The following RAI1 variants were observed in gnomAD, a reference collection of about 807,000 sequenced individuals.
The protein encoded by RAI1 is retinoic acid induced 1, also known as retinoic acid-induced protein 1.
Under a neutral mutation model 123.8 loss-of-function variants are expected in RAI1, and 9 were observed. That is an observed-to-expected ratio of 0.07 (90% CI 0.04 to 0.13). The LOEUF (loss-of-function observed/expected upper bound fraction) is 0.13, where lower values mean the gene tolerates loss of function less well. Ranked by LOEUF, RAI1 falls within the 10% of genes least tolerant of loss-of-function variation. RAI1 has a pLI of 1.00. For synonymous variants in RAI1, 1,231 were observed against 1,127.3 expected (o/e 1.09, Z -1.84); for missense variants, 2,256 against 2,545.8 (o/e 0.89, Z 2.45).
intron 4 of RAI1, among the ~76,000 whole-genome samples, chr17:17,808,429 T>TTTATTTTA (rs1567940453): frequency 1.8e-5 from 2 of 114,156 alleles, no homozygotes; most frequent in African/African-American, 6.9e-5. Flanking sequence ...TTTATTTTAT[T>TTTATTTTA]TTATTTTATT....
chr17:17,806,830 A>C (rs1422440977), intron 4 of RAI1, among the ~76,000 whole-genome samples: 1 of 152,228 alleles, frequency 6.6e-6, no homozygotes, highest in African/African-American at 2.4e-5. Context: ...GCAGGTCCCA[A>C]GTCCAGCACA....
At chr17:17,730,339 T>G (rs867672710) in intron 2 of RAI1, among the ~76,000 whole-genome samples, 1 of 152,230 alleles carries the variant, frequency 6.6e-6, no homozygotes, top group African/African-American at 2.4e-5. Context: ...AACTCATGTT[T>G]GCATAATGCA....
rs1175169299 is a variant in RAI1 at position 17,685,899 on chromosome 17, TC to T, written c.-149+4108del. Among the ~76,000 whole-genome samples, 21 of 152,200 alleles carry T rather than the reference TC, an allele frequency of 1.4e-4. No individual in the cohort carries two copies. Among genetic ancestry groups the T allele is most frequent in the African/African-American group, 5.1e-4 (21 of 41,454 alleles). On this transcript the variant is annotated intron_variant, in intron 1 of 5. Coordinates refer to ENST00000353383, the MANE Select transcript of RAI1 (RefSeq NM_030665.4). This position sits in a 1 kb window ranked among gnomAD's most constrained non-coding sequence, Gnocchi z 4.0. ...GCCTCTGTGCATCGGGCTGGGCTGT[TC>T]CTTCCACCTGGGATGCCCCTCACCT... is the stretch of plus-strand genomic sequence containing the variant.
At chr17:17,738,852 A>C (rs763551178) in intron 2 of RAI1, among the ~76,000 whole-genome samples, 38 of 152,098 alleles carry the variant, frequency 2.5e-4, no homozygotes, top group Non-Finnish European at 4.1e-4. Flanking sequence ...ATTACCTTCA[A>C]AGGGCTCATG....
chr17:17,724,316 G>A (rs980937522), intron 2 of RAI1, among the ~76,000 whole-genome samples, 157 bp downstream of exon 2: 3 of 151,126 alleles, frequency 2.0e-5, no homozygotes, highest in African/African-American at 7.3e-5. Flanking sequence ...GCGGCGCCAG[G>A]ATCTTGGCTG....
chr17:17,692,588 C>A (rs771145096), intron 1 of RAI1, among the ~76,000 whole-genome samples: 1 of 152,214 alleles, frequency 6.6e-6, no homozygotes, highest in African/African-American at 2.4e-5. Flanking sequence ...CTGCTTACCC[C>A]CTTCCCCATG....
At chr17:17,707,276 C>G (rs1341704620) in intron 1 of RAI1, among the ~76,000 whole-genome samples, 1 of 152,074 alleles carries the variant, frequency 6.6e-6, no homozygotes, top group Non-Finnish European at 1.5e-5. Flanking sequence ...AAGACCTTGT[C>G]TCTGAAAATA....
chr17:17,778,520 C>T, intron 2 of RAI1: 3 of 354,220 alleles, frequency 8.5e-6, no homozygotes, highest in South Asian at 6.4e-5. Flanking sequence ...CCAGCATATA[C>T]ATATGCAGGA....
At chr17:17,736,036 G>A (rs1323892498) in intron 2 of RAI1, among the ~76,000 whole-genome samples, 3 of 152,142 alleles carry the variant, frequency 2.0e-5, no homozygotes, top group Non-Finnish European at 2.9e-5. Context: ...TATGGTGTGT[G>A]TACTTGTGCG....
chr17:17,690,550 G>T (rs957347620), intron 1 of RAI1, among the ~76,000 whole-genome samples: 1 of 152,140 alleles, frequency 6.6e-6, no homozygotes, highest in African/African-American at 2.4e-5. Context: ...TTCATCAAAG[G>T]CGAAAGTAAT....
chr17:17,783,601 A>C (rs1192705631), intron 2 of RAI1, among the ~76,000 whole-genome samples: 1 of 152,084 alleles, frequency 6.6e-6, no homozygotes, highest in Non-Finnish European at 1.5e-5. Flanking sequence ...CCTCTGCCCC[A>C]GCCGGGCTGC....
At chr17:17,783,079 G>A (rs2031663179) in intron 2 of RAI1, among the ~76,000 whole-genome samples, 1 of 145,184 alleles carries the variant, frequency 6.9e-6, no homozygotes, top group Non-Finnish European at 1.5e-5. Context: ...GCTGGTGGCA[G>A]CCCCCCGCGG....
At chr17:17,784,814 C>T (rs2031766739) in intron 2 of RAI1, among the ~76,000 whole-genome samples, 1 of 152,160 alleles carries the variant, frequency 6.6e-6, no homozygotes, top group Non-Finnish European at 1.5e-5. Context: ...ACACTAGCTG[C>T]AGCAGCCGGG....
chr17:17,724,379 T>C (rs1387633833), intron 2 of RAI1, among the ~76,000 whole-genome samples: 1 of 149,512 alleles, frequency 6.7e-6, no homozygotes, highest in East Asian at 2.0e-4. Context: ...AGGGAATCGG[T>C]CTCAGAAGAA....
intron 1 of RAI1, among the ~76,000 whole-genome samples, chr17:17,690,150 C>T (rs1457218373): frequency 2.0e-5 from 3 of 152,000 alleles, no homozygotes; most frequent in Admixed American, 1.3e-4. Flanking sequence ...TTTGGGAGGC[C>T]GAGGTGAGTG....
In RAI1 at chr17:17,797,955, G is replaced by C. The variant is rs765240763; in HGVS notation, c.5007G>C (p.Thr1669=). ...GGCCCTCCTTGCCCCTCTCCTCCAC[G>C]ATGCACTTGGGGCCTGTGGTTTCCA... is the stretch of plus-strand genomic sequence containing the variant. ...QPRPSLPLSS[T]MHLGPVVSKA... The change falls in exon 3 of 6, where the codon ACG becomes ACC. Residue 1669 remains threonine, a synonymous_variant. Coordinates refer to ENST00000353383, the MANE Select transcript of RAI1 (RefSeq NM_030665.4). 3 of 1,613,996 alleles carry C rather than the reference G, an allele frequency of 1.9e-6. No homozygotes were observed. The highest frequency in any genetic ancestry group is 2.5e-6 in the Non-Finnish European group (3 of 1,180,022).
intron 2 of RAI1, among the ~76,000 whole-genome samples, chr17:17,784,342 A>G (rs1489612491): frequency 6.6e-6 from 1 of 152,240 alleles, no homozygotes; most frequent in African/African-American, 2.4e-5. Context: ...GGAAGGCGGA[A>G]GGCAGCGGCA....
At chr17:17,768,662 G>A (rs1296041842) in intron 2 of RAI1, among the ~76,000 whole-genome samples, 2 of 152,236 alleles carry the variant, frequency 1.3e-5, no homozygotes, top group East Asian at 3.8e-4. Context: ...GATGGGCAGG[G>A]TAGCCTGCGC....
chr17:17,734,782 C>G (rs1157333007), intron 2 of RAI1, among the ~76,000 whole-genome samples: 1 of 152,236 alleles, frequency 6.6e-6, no homozygotes, highest in Non-Finnish European at 1.5e-5. Context: ...GGGCACATAT[C>G]TGTGCTTGCA....
Sources: allele counts gnomAD v4.1 joint callset (sites outside exome capture counted in the v4.1 genomes callset), GRCh38; gene constraint gnomAD v4.1.1; non-coding constraint Gnocchi (gnomAD v3.1); transcripts MANE v1.5; gene names NCBI Gene and HGNC (gene_info 2026-07-23, HGNC 2026-07-21).